The following SV2C variants were observed in gnomAD, a reference collection of about 807,000 sequenced individuals.
The protein encoded by SV2C is synaptic vesicle glycoprotein 2C.
SV2C carries 49 observed loss-of-function variants against 79.7 expected under a neutral mutation model. The observed-to-expected ratio is 0.61, with a 90% CI of 0.49 to 0.78. The LOEUF is 0.78. Among genes scored for constraint, SV2C ranks in the 30% least tolerant of loss-of-function variants. The pLI, the probability that SV2C is intolerant of heterozygous loss-of-function variation, is 0.00. For missense variants in SV2C, 833 were observed against 912.9 expected (o/e 0.91, Z 1.13); for synonymous variants, 334 against 333.2 (o/e 1.00, Z -0.03).
rs533641492 is a variant in SV2C at position 76,119,416 on chromosome 5, A to G, written c.-101-12234A>G. On this transcript the variant is annotated intron_variant, in intron 1 of 12. Transcript: ENST00000502798. ...CAGAAGTGGAAAAGGAAGATATAGC[A>G]GTGTGTGGGAGCTGACACTGCACAT... is the stretch of plus-strand genomic sequence containing the variant. Among the ~76,000 whole-genome samples the G allele has an allele frequency of 7.9e-5, 12 of 152,360 alleles. No homozygotes were observed. In the South Asian group the frequency reaches 2.5e-3, roughly 32 times the overall value.
intron 6 of SV2C, among the ~76,000 whole-genome samples, chr5:76,287,960 C>G (rs1747407612): frequency 6.6e-6 from 1 of 152,042 alleles, no homozygotes; most frequent in Non-Finnish European, 1.5e-5. Context: ...TGGCACCTGC[C>G]TGTAATCCCA....
chr5:76,120,754 A>T (rs1424768781), intron 1 of SV2C, among the ~76,000 whole-genome samples: 2 of 149,782 alleles, frequency 1.3e-5, no homozygotes, highest in African/African-American at 5.0e-5. Flanking sequence ...CATTTTCTTA[A>T]TCCAGTCTAT....
the SV2C span, chr5:75,911,815 C>T: frequency 1.9e-5 from 11 of 571,892 alleles, no homozygotes; most frequent in Non-Finnish European, 3.1e-5. Context: ...CAAGAGCAAC[C>T]TCACAGCACC....
intron 12 of SV2C, among the ~76,000 whole-genome samples, chr5:76,319,323 T>G (rs1748741693): frequency 6.6e-6 from 1 of 150,646 alleles, no homozygotes; most frequent in Non-Finnish European, 1.5e-5. Context: ...AAGGCTGAGG[T>G]GGGAAAATCA....
At chr5:75,899,895 CTT>C in the SV2C span, among the ~76,000 whole-genome samples, 1 of 151,928 alleles carries the variant, frequency 6.6e-6, no homozygotes, top group South Asian at 2.1e-4. Flanking sequence ...CAACCCCTGC[CTT>C]TTTTTGTTTT....
At chr5:76,202,870 T>C (rs890071352) in intron 3 of SV2C, among the ~76,000 whole-genome samples, 15 of 152,212 alleles carry the variant, frequency 9.9e-5, no homozygotes, top group African/African-American at 3.4e-4. Flanking sequence ...ATCTCAATAA[T>C]TTTACATTGA....
chr5:75,967,693 C>T, the SV2C span, among the ~76,000 whole-genome samples: 1 of 152,200 alleles, frequency 6.6e-6, no homozygotes, highest in Non-Finnish European at 1.5e-5. Context: ...CTGGGTGGAC[C>T]CCACCACAGA....
At chr5:76,030,293 A>ATTTTTTTT in the SV2C span, among the ~76,000 whole-genome samples, 1 of 37,514 alleles carries the variant, frequency 2.7e-5, no homozygotes, top group African/African-American at 1.0e-4. Flanking sequence ...TTTTTTTTTT[A>ATTTTTTTT]TTTATTCCTG....
intron 12 of SV2C, among the ~76,000 whole-genome samples, chr5:76,339,238 C>A (rs1463184184): frequency 6.6e-6 from 1 of 152,076 alleles, no homozygotes; most frequent in Non-Finnish European, 1.5e-5. Context: ...AGAAAAATAA[C>A]AATCCTTTTT....
intron 12 of SV2C, among the ~76,000 whole-genome samples, chr5:76,317,779 T>C (rs552552833): frequency 6.6e-6 from 1 of 152,294 alleles, no homozygotes; most frequent in Admixed American, 6.5e-5. Context: ...CAGTGAGCTA[T>C]GATTACACCA....
At chr5:75,939,521 A>G in the SV2C span, among the ~76,000 whole-genome samples, 1 of 152,030 alleles carries the variant, frequency 6.6e-6, no homozygotes. Flanking sequence ...GCTTCAAAAT[A>G]TGAATTTTTT....
chr5:75,992,282 C>A, the SV2C span, among the ~76,000 whole-genome samples: 1 of 151,910 alleles, frequency 6.6e-6, no homozygotes, highest in Admixed American at 6.6e-5. Context: ...GCAGGATAAG[C>A]CTTTTTATAT....
the SV2C span, among the ~76,000 whole-genome samples, chr5:75,942,693 A>G: frequency 6.6e-6 from 1 of 152,212 alleles, no homozygotes. Flanking sequence ...GGATCAAATC[A>G]TTATATCATC....
intron 2 of SV2C, among the ~76,000 whole-genome samples, chr5:76,181,343 A>C (rs1486989642): frequency 6.6e-6 from 1 of 152,180 alleles, no homozygotes; most frequent in East Asian, 1.9e-4. Flanking sequence ...GGTATTTACT[A>C]TCTGGCCTTT....
At chr5:76,252,063 T>C (rs1170909616) in intron 4 of SV2C, among the ~76,000 whole-genome samples, 2 of 152,218 alleles carry the variant, frequency 1.3e-5, no homozygotes, top group East Asian at 3.8e-4. Context: ...CAGAGCTTTT[T>C]GATCTTCAAA....
intron 4 of SV2C, chr5:76,281,392 C>G: frequency 5.2e-6 from 1 of 191,032 alleles, no homozygotes; most frequent in East Asian, 1.5e-4. Context: ...ACTTGTTATG[C>G]AAAGTAAAAA....
At chr5:76,062,764 T>C in the SV2C span, among the ~76,000 whole-genome samples, 1 of 152,128 alleles carries the variant, frequency 6.6e-6, no homozygotes, top group African/African-American at 2.4e-5. Flanking sequence ...CTGGGTCAAT[T>C]TGAAGATGAA....
chr5:76,122,044 A>C (rs897189392), intron 1 of SV2C, among the ~76,000 whole-genome samples: 114 of 151,990 alleles, frequency 7.5e-4, no homozygotes, highest in Middle Eastern at 6.8e-3. Flanking sequence ...CTTTTATTTC[A>C]TTGAGCAGTG....
the SV2C span, among the ~76,000 whole-genome samples, chr5:76,070,667 G>A: frequency 6.6e-6 from 1 of 152,264 alleles, no homozygotes; most frequent in East Asian, 1.9e-4. Context: ...AAGCCTGCAT[G>A]TCAAGTTCTA....
Sources: allele counts gnomAD v4.1 joint callset (sites outside exome capture counted in the v4.1 genomes callset), GRCh38; gene constraint gnomAD v4.1.1; transcripts MANE v1.5; gene names NCBI Gene and HGNC (gene_info 2026-07-23, HGNC 2026-07-21).